Variants in SOCS3 observed in about 807,000 individuals in gnomAD.
SOCS3 encodes suppressor of cytokine signaling 3, also known as STAT-induced STAT inhibitor 3.
Under a neutral mutation model 11.7 loss-of-function variants are expected in SOCS3, and 5 were observed. The ratio of observed to expected loss-of-function variants is 0.43; its 90% CI spans 0.22 to 0.90. The LOEUF is 0.90. SOCS3 is among the 40% of genes least tolerant of loss of function. The probability of loss-of-function intolerance (pLI) is 0.27; values close to 1 mark genes in which losing one functional copy is unlikely to be tolerated. For missense variants in SOCS3, 203 were observed against 302.0 expected, an observed-to-expected ratio of 0.67 and a Z score of 2.43; for synonymous variants, 143 against 136.3, an observed-to-expected ratio of 1.05 and a Z score of -0.34.
In SOCS3 at chr17:78,358,531, G is replaced by A; in HGVS notation, c.565C>T (p.Leu189Phe). 6.2e-7 allele frequency: 1 copy of A among 1,613,650 alleles called. No individual in the cohort carries two copies. The highest frequency in any genetic ancestry group is 8.5e-7 in the Non-Finnish European group (1 of 1,179,960). Reference protein sequence around the residue: ...SRPLSSNVATLQHLCRKTVNG... With the variant: ...SRPLSSNVATFQHLCRKTVNG... Reference sequence around the variant, plus strand: ...ACGGTCTTCCGACAGAGATGCTGAAGAGTGGCCACGTTGGAGGAGAGGGGC... The same window carrying A: ...ACGGTCTTCCGACAGAGATGCTGAAAAGTGGCCACGTTGGAGGAGAGGGGC... Residue 189 changes from leucine to phenylalanine, a missense_variant, in exon 2 of 2, where the codon CTT (leucine) becomes TTT (phenylalanine). Around this residue, in one of 3 missense-constraint regions of SOCS3, gnomAD observed 141 missense variants for 200.5 expected, o/e 0.70. Transcript: ENST00000330871. This position sits in a 1 kb window ranked among gnomAD's most constrained non-coding sequence, Gnocchi z 4.7.
chr17:78,357,584 C>G lies in SOCS3; in HGVS notation c.*834G>C, dbSNP rs1045723214. The G allele has an allele frequency of 6.6e-6, 1 of 152,272 alleles. No homozygotes were observed. The highest frequency in any genetic ancestry group is 2.4e-5 in the African/African-American group (1 of 41,426). The allele number at this position is 152,272 out of a possible 1,614,324, so 9.4% of individuals were successfully genotyped here. On this transcript the variant is annotated 3_prime_UTR_variant, in exon 2 of 2. Transcript: ENST00000330871. This position sits in a 1 kb window ranked among gnomAD's most constrained non-coding sequence, Gnocchi z 7.0. ...ATAGTCAGGAGGCACAGAGTAGAAT[C>G]CCCTGTCTTCTCTACCAGGAGCCTG... is the stretch of plus-strand genomic sequence containing the variant.
Position 78,358,677 on chromosome 17 carries a change from G to A in SOCS3, c.419C>T (p.Pro140Leu), listed in dbSNP as rs1598182032. Reference protein sequence around the residue: ...PPGAPSFPSPPTEPSSEVPEQ... With the variant: ...PPGAPSFPSPLTEPSSEVPEQ... Reference sequence around the variant, plus strand: ...GGGCACCTCGGAGGAGGGTTCAGTAGGTGGCGAGGGGAAGGAGGGGGCTCC... The same window carrying A: ...GGGCACCTCGGAGGAGGGTTCAGTAAGTGGCGAGGGGAAGGAGGGGGCTCC... The change falls in exon 2 of 2, where the codon CCT becomes CTT. Residue 140 changes from proline (P) to leucine (L), a missense_variant. Pro to Leu is a moderately conservative substitution (Grantham distance 98). Around this residue, in one of 3 missense-constraint regions of SOCS3, gnomAD observed 141 missense variants for 200.5 expected, o/e 0.70. Transcript: ENST00000330871. The surrounding 1 kb of genome is among the most constrained non-coding windows in gnomAD (Gnocchi z 4.7). 1.2e-6 allele frequency: 2 copies of A among 1,608,058 alleles called. No individual in the cohort carries two copies. The highest frequency in any genetic ancestry group is 2.2e-5 in the East Asian group (1 of 44,776).
intron 1 of SOCS3, among the ~76,000 whole-genome samples, chr17:78,359,480 C>T (rs984045092): frequency 6.6e-6 from 1 of 152,228 alleles, no homozygotes; most frequent in South Asian, 2.1e-4. Flanking sequence ...GGAGAAGGGC[C>T]CCCGGGACTG....
In SOCS3 at chr17:78,358,238, T is replaced by G; in HGVS notation, c.*180A>C. 1.6e-6 allele frequency: 1 copy of G among 624,710 alleles called. No homozygotes were observed. 38.7% of individuals were successfully genotyped at this position (624,710 alleles called of 1,614,324 possible). On this transcript the variant is annotated 3_prime_UTR_variant, in exon 2 of 2. Coordinates refer to ENST00000330871, the MANE Select transcript of SOCS3 (RefSeq NM_003955.5). This position sits in a 1 kb window ranked among gnomAD's most constrained non-coding sequence, Gnocchi z 4.7. ...GGTACTCCCCCTTCCCTCCAACACA[T>G]TCCAGGTCCGCCTGCCACATTCTGC... is the stretch of plus-strand genomic sequence containing the variant.
At position 78,357,464 on chromosome 17, in the gene SOCS3, GC is replaced by G. The variant is rs1447411759; in HGVS notation, c.*953del. ...TTGGTGCCCTCCAGTGAGTCCCTCA[GC>G]CTCTCCACCCATCCAGGCTGAGTAT... On this transcript the variant is annotated 3_prime_UTR_variant, in exon 2 of 2. Transcript: ENST00000330871. The surrounding 1 kb of genome is among the most constrained non-coding windows in gnomAD (Gnocchi z 7.0). 2.0e-5 allele frequency: 3 copies of G among 152,276 alleles called. No individual in the cohort carries two copies. The highest frequency in any genetic ancestry group is 4.4e-5 in the Non-Finnish European group (3 of 68,098). 9.4% of individuals were successfully genotyped at this position (152,276 alleles called of 1,614,324 possible). A position where few individuals can be genotyped will look rare whatever the true frequency, so the allele number is the denominator to read the frequency against.
At chr17:78,359,258 C>T (rs2081592670) in intron 1 of SOCS3, 75 bp from the exon 2 acceptor site, 4 of 669,918 alleles carry the variant, frequency 6.0e-6, no homozygotes, top group Non-Finnish European at 9.0e-6. Flanking sequence ...GGCTCCCCTG[C>T]CTTCGCCGAG....
intron 1 of SOCS3, among the ~76,000 whole-genome samples, 194 bp downstream of exon 1, chr17:78,359,556 G>A (rs2081595333): frequency 6.6e-6 from 1 of 152,160 alleles, no homozygotes; most frequent in South Asian, 2.1e-4. Flanking sequence ...GAGGCACGGG[G>A]GTAGGGAGGG....
chr17:78,358,100 T>A lies in SOCS3; in HGVS notation c.*318A>T. 1 of 373,636 alleles carries A rather than the reference T, an allele frequency of 2.7e-6. No individual in the cohort carries two copies. Among genetic ancestry groups the A allele is most frequent in the Non-Finnish European group, 5.0e-6 (1 of 201,042 alleles). The allele number at this position is 373,636 out of a possible 1,614,324, so 23.1% of individuals were successfully genotyped here. On this transcript the variant is annotated 3_prime_UTR_variant, in exon 2 of 2. Transcript: ENST00000330871. This position sits in a 1 kb window ranked among gnomAD's most constrained non-coding sequence, Gnocchi z 4.7. ...TCTCATTAGTTCAGCATTCCCGAAG[T>A]GTCCCCTGTTTGGAGGCAGAGGGGA...
chr17:78,358,093 C>T lies in SOCS3; in HGVS notation c.*325G>A, dbSNP rs2081581357. The T allele has an allele frequency of 2.8e-6, 1 of 356,444 alleles. No individual in the cohort carries two copies. The highest frequency in any genetic ancestry group is 5.5e-5 in the East Asian group (1 of 18,112). The allele number at this position is 356,444 out of a possible 1,614,324, so 22.1% of individuals were successfully genotyped here. Reference sequence around the variant, plus strand: ...TGGCAGTTCTCATTAGTTCAGCATTCCCGAAGTGTCCCCTGTTTGGAGGCA... The same window carrying T: ...TGGCAGTTCTCATTAGTTCAGCATTTCCGAAGTGTCCCCTGTTTGGAGGCA... On this transcript the variant is annotated 3_prime_UTR_variant, in exon 2 of 2. Transcript: ENST00000330871. The surrounding 1 kb of genome is among the most constrained non-coding windows in gnomAD (Gnocchi z 4.7).
At position 78,358,661 on chromosome 17, in the gene SOCS3, G is replaced by A. The variant is rs927655451; in HGVS notation, c.435C>T (p.Ser145=). The A allele has an allele frequency of 7.5e-6, 12 of 1,606,482 alleles. No homozygotes were observed. The African/African-American group carries it at 9.3e-5, about 13-fold the overall frequency. Reference sequence around the variant, plus strand: ...GGGCAGACGGCTGCTCGGGCACCTCGGAGGAGGGTTCAGTAGGTGGCGAGG... The same window carrying A: ...GGGCAGACGGCTGCTCGGGCACCTCAGAGGAGGGTTCAGTAGGTGGCGAGG... ...SFPSPPTEPS[S]EVPEQPSAQP... The change falls in exon 2 of 2, where the codon TCC becomes TCT. Residue 145 remains serine, a synonymous_variant. Coordinates refer to ENST00000330871, the MANE Select transcript of SOCS3 (RefSeq NM_003955.5). The surrounding 1 kb of genome is among the most constrained non-coding windows in gnomAD (Gnocchi z 4.7).
At position 78,358,022 on chromosome 17, in the gene SOCS3, C is replaced by T. The variant is rs79233528; in HGVS notation, c.*396G>A. On this transcript the variant is annotated 3_prime_UTR_variant, in exon 2 of 2. Coordinates refer to ENST00000330871, the MANE Select transcript of SOCS3 (RefSeq NM_003955.5). The surrounding 1 kb of genome is among the most constrained non-coding windows in gnomAD (Gnocchi z 4.7). ...CTCCACAACCAGCTCAGGTTTAAAC[C>T]AAATCAAAGAGCAAACAAGTTCCGT... 604 of 205,638 alleles carry T rather than the reference C, an allele frequency of 2.9e-3. 2 individuals carry two copies. Among genetic ancestry groups the T allele is most frequent in the African/African-American group, 0.012 (506 of 42,900 alleles). The allele number at this position is 205,638 out of a possible 1,614,324, so 12.7% of individuals were successfully genotyped here.
chr17:78,359,180 G>T lies in SOCS3; in HGVS notation c.-85C>A. 1.4e-6 allele frequency: 2 copies of T among 1,394,532 alleles called. No individual in the cohort carries two copies. Among genetic ancestry groups the T allele is most frequent in the East Asian group, 2.5e-5 (1 of 39,286 alleles). 86.4% of individuals were successfully genotyped at this position (1,394,532 alleles called of 1,614,324 possible). A position where few individuals can be genotyped will look rare whatever the true frequency, so the allele number is the denominator to read the frequency against. ...CACAGCGGCCGCTACCGCATCCCGG[G>T]GGGCTGCGGAGAGGAAGGCGCGAGC... On this transcript the variant is annotated 5_prime_UTR_variant, in exon 2 of 2. Transcript: ENST00000330871.
rs1249215022 is a variant in SOCS3, at chr17:78,357,517, C to T, written c.*901G>A. On this transcript the variant is annotated 3_prime_UTR_variant, in exon 2 of 2. Coordinates refer to ENST00000330871, the MANE Select transcript of SOCS3 (RefSeq NM_003955.5). This position sits in a 1 kb window ranked among gnomAD's most constrained non-coding sequence, Gnocchi z 7.0. ...TGGCTTTCCTATGCTGGGTCCCTCT[C>T]CATGGGACAGGGAGCATTTAAGGCG... The T allele has an allele frequency of 6.6e-6, 1 of 152,214 alleles. No individual in the cohort carries two copies. The highest frequency in any genetic ancestry group is 1.9e-4 in the East Asian group (1 of 5,198). 9.4% of individuals were successfully genotyped at this position (152,214 alleles called of 1,614,324 possible). A position where few individuals can be genotyped will look rare whatever the true frequency, so the allele number is the denominator to read the frequency against.
Position 78,358,570 on chromosome 17 carries a change from G to A in SOCS3, c.526C>T (p.Leu176=), listed in dbSNP as rs1478206204. The part of the protein sequence containing the change: ...YIYSGGEKIP[L]VLSRPLSSNV... ...GAGGAGAGGGGCCGGCTCAACACCA[G>A]GGGGATCTTCTCGCCCCCGGAGTAG... Residue 176 remains leucine (L), a synonymous_variant, in exon 2 of 2, where the codon CTG becomes TTG. Coordinates refer to ENST00000330871, the MANE Select transcript of SOCS3 (RefSeq NM_003955.5). This position sits in a 1 kb window ranked among gnomAD's most constrained non-coding sequence, Gnocchi z 4.7. The A allele has an allele frequency of 1.9e-6, 3 of 1,613,106 alleles. No homozygotes were observed. Among genetic ancestry groups the A allele is most frequent in the African/African-American group, 2.7e-5 (2 of 74,920 alleles).
chr17:78,358,874 C>G lies in SOCS3; in HGVS notation c.222G>C (p.Ser74=). ...TGAGCGTGAAGAAGTGGCGCTGGTC[C>G]GAGCTGTCGCGGATCAGAAAGGTGC... ...PAGTFLIRDS[S]DQRHFFTLSV... Residue 74 remains serine, a synonymous_variant, in exon 2 of 2, where the codon TCG becomes TCC. Transcript: ENST00000330871. This position sits in a 1 kb window ranked among gnomAD's most constrained non-coding sequence, Gnocchi z 4.7. 1 of 1,611,716 alleles carries G rather than the reference C, an allele frequency of 6.2e-7. No individual in the cohort carries two copies. Among genetic ancestry groups the G allele is most frequent in the Non-Finnish European group, 8.5e-7 (1 of 1,179,376 alleles).
rs767829730 is a variant in SOCS3 at position 78,358,686 on chromosome 17, G to C, written c.410C>G (p.Pro137Arg). 3.1e-6 allele frequency: 5 copies of C among 1,608,248 alleles called. No homozygotes were observed. In the South Asian group the frequency reaches 4.4e-5, roughly 14 times the overall value. The change falls in exon 2 of 2, where the codon CCC becomes CGC. Residue 137 changes from proline to arginine, a missense_variant. Physicochemically the swap from Pro to Arg is moderately radical, Grantham distance 103. Transcript: ENST00000330871. This position sits in a 1 kb window ranked among gnomAD's most constrained non-coding sequence, Gnocchi z 4.7. Reference protein sequence around the residue: ...YMPPPGAPSFPSPPTEPSSEV... With the variant: ...YMPPPGAPSFRSPPTEPSSEV... ...GGAGGAGGGTTCAGTAGGTGGCGAG[G>C]GGAAGGAGGGGGCTCCAGGGGGCGG...
chr17:78,358,591 A>G lies in SOCS3; in HGVS notation c.505T>C (p.Ser169Pro). Residue 169 changes from serine (S) to proline (P), a missense_variant, in exon 2 of 2, where the codon TCC (serine) becomes CCC (proline). Physicochemically the swap from Ser to Pro is moderately conservative, Grantham distance 74. Coordinates refer to ENST00000330871, the MANE Select transcript of SOCS3 (RefSeq NM_003955.5). This position sits in a 1 kb window ranked among gnomAD's most constrained non-coding sequence, Gnocchi z 4.7. ...SPPRRAYYIY[S>P]GGEKIPLVLS... ...ACCAGGGGGATCTTCTCGCCCCCGG[A>G]GTAGATGTAATAGGCTCTTCTGGGG... 6.2e-7 allele frequency: 1 copy of G among 1,612,586 alleles called. No homozygotes were observed. Among genetic ancestry groups the G allele is most frequent in the Non-Finnish European group, 8.5e-7 (1 of 1,179,786 alleles).
Position 78,358,631 on chromosome 17 carries a change from T to C in SOCS3, c.465A>G (p.Pro155=), listed in dbSNP as rs140548395. ...SEVPEQPSAQ[P]LPGSPPRRAY... ...CTCTTCTGGGGGGACTCCCAGGGAGTGGCTGGGCAGACGGCTGCTCGGGCA... is the reference window on the plus strand; with the variant it reads ...CTCTTCTGGGGGGACTCCCAGGGAGCGGCTGGGCAGACGGCTGCTCGGGCA... The change falls in exon 2 of 2, where the codon CCA becomes CCG. Residue 155 remains proline, a synonymous_variant. Transcript: ENST00000330871. The surrounding 1 kb of genome is among the most constrained non-coding windows in gnomAD (Gnocchi z 4.7). 82 of 1,605,576 alleles carry C rather than the reference T, an allele frequency of 5.1e-5. No homozygotes were observed. The highest frequency in any genetic ancestry group is 6.8e-5 in the Non-Finnish European group (80 of 1,175,156).
At chr17:78,359,224 C>G (rs1192547535) in intron 1 of SOCS3, 41 bp from the exon 2 acceptor site, 1 of 972,066 alleles carries the variant, frequency 1.0e-6, no homozygotes, top group African/African-American at 1.7e-5. Context: ...TGCCCGGAAC[C>G]CTCCAGCGCG....
Sources: gnomAD v4.1 joint callset for allele counts (sites outside exome capture counted in the v4.1 genomes callset) on GRCh38, gnomAD v4.1.1 for gene constraint, gnomAD v4.1.1 regional missense constraint, Gnocchi (gnomAD v3.1) non-coding constraint, MANE v1.5 for transcripts, NCBI Gene and HGNC (gene_info 2026-07-23, HGNC 2026-07-21) for gene names.